CIT: variants seen among roughly 807,000 people sequenced by gnomAD.
The protein encoded by CIT is citron rho-interacting serine/threonine kinase, also known as citron Rho-interacting kinase.
A neutral mutation model predicts 272.7 loss-of-function variants in CIT; 79 were observed. That is an observed-to-expected ratio of 0.29 (90% CI 0.24 to 0.35). The LOEUF is 0.35. Among genes scored for constraint, CIT ranks in the 10% least tolerant of loss-of-function variants. The probability of loss-of-function intolerance (pLI) is 1.00; values close to 1 mark genes in which losing one functional copy is unlikely to be tolerated. For missense variants in CIT, 1,909 were observed against 2,618.3 expected (o/e 0.73, Z 5.91); for synonymous variants, 948 against 995.6 (o/e 0.95, Z 0.90).
At chr12:119,872,143 T>C (rs1386814368) in intron 2 of CIT, among the ~76,000 whole-genome samples, 1 of 152,214 alleles carries the variant, frequency 6.6e-6, no homozygotes, top group African/African-American at 2.4e-5. Flanking sequence ...TCTGAGATGA[T>C]GTTCTTCCTG....
In CIT at chr12:119,710,708, G is replaced by A; in HGVS notation, c.4855-88C>T. On this transcript the variant is annotated intron_variant, in intron 37 of 47. Transcript: ENST00000392521. The surrounding 1 kb of genome is among the most constrained non-coding windows in gnomAD (Gnocchi z 5.6). ...AACCATCCAGAGAAACCAAGAGAAG[G>A]TTAAGGCCAAGTTATTCCTGGAAAT... is the stretch of plus-strand genomic sequence containing the variant. 1.6e-6 allele frequency: 2 copies of A among 1,259,336 alleles called. No homozygotes were observed. The highest frequency in any genetic ancestry group is 1.2e-6 in the Non-Finnish European group (1 of 862,562). 78.0% of individuals were successfully genotyped at this position (1,259,336 alleles called of 1,614,324 possible). A position where few individuals can be genotyped will look rare whatever the true frequency, so the allele number is the denominator to read the frequency against.
At position 119,694,563 on chromosome 12, in the gene CIT, G is replaced by A. The variant is rs1035342050; in HGVS notation, c.5882+3096C>T. Among the ~76,000 whole-genome samples, 1 of 152,140 alleles carries A rather than the reference G, an allele frequency of 6.6e-6. No homozygotes were observed. The highest frequency in any genetic ancestry group is 1.5e-5 in the Non-Finnish European group (1 of 68,026). ...TCACACCTGTAATCCCAGCACTTTG[G>A]GGGGCCAGGGCAGGCAAATTGCTTG... On this transcript the variant is annotated intron_variant, in intron 46 of 47. Coordinates refer to ENST00000392521, the MANE Select transcript of CIT (RefSeq NM_001206999.2). The surrounding 1 kb of genome is among the most constrained non-coding windows in gnomAD (Gnocchi z 4.5).
chr12:119,751,281 T>C (rs1250104049), intron 23 of CIT, among the ~76,000 whole-genome samples: 1 of 152,118 alleles, frequency 6.6e-6, no homozygotes, highest in Non-Finnish European at 1.5e-5. Context: ...CATTTCCCCC[T>C]TCAAGTTAAG....
In CIT at chr12:119,752,377, G is replaced by A. The variant is rs1039280223; in HGVS notation, c.2707-130C>T. On this transcript the variant is annotated intron_variant, in intron 22 of 47. Transcript: ENST00000392521. ...TCTTGGAACCACCTTCTCGGCACTCGATAGAGGAGAGGAAAATGCAACAAA... is the reference window on the plus strand; with the variant it reads ...TCTTGGAACCACCTTCTCGGCACTCAATAGAGGAGAGGAAAATGCAACAAA... 6.3e-5 allele frequency: 50 copies of A among 790,766 alleles called. No individual in the cohort carries two copies. The highest frequency in any genetic ancestry group is 5.6e-4 in the South Asian group (29 of 51,982). 49.0% of individuals were successfully genotyped at this position (790,766 alleles called of 1,614,324 possible).
rs371471324 is a variant in CIT, at chr12:119,863,109, A to G, written c.239-5411T>C. Among the ~76,000 whole-genome samples the G allele has an allele frequency of 3.8e-4, 56 of 147,820 alleles. 1 individual carries two copies. In the East Asian group the frequency reaches 7.6e-3, roughly 20 times the overall value. Reference sequence around the variant, plus strand: ...CCCAGCTACTCAGGAGGCTAAGGCAAGAGAATCACTTGAACCCGGGAGGCA... The same window carrying G: ...CCCAGCTACTCAGGAGGCTAAGGCAGGAGAATCACTTGAACCCGGGAGGCA... On this transcript the variant is annotated intron_variant, in intron 3 of 47. Coordinates refer to ENST00000392521, the MANE Select transcript of CIT (RefSeq NM_001206999.2).
chr12:119,825,088 C>T, intron 8 of CIT, 77 bp downstream of exon 8: 2 of 1,327,950 alleles, frequency 1.5e-6, no homozygotes, highest in Non-Finnish European at 2.1e-6. Context: ...GCATGAGCCA[C>T]CACGCCCAGC....
intron 5 of CIT, among the ~76,000 whole-genome samples, chr12:119,835,430 T>C (rs1355492711): frequency 1.3e-5 from 2 of 152,192 alleles, no homozygotes; most frequent in African/African-American, 2.4e-5. Context: ...TGCATGATCC[T>C]TTCTGCTCTG....
At chr12:119,701,784 G>C (rs562984540) in intron 42 of CIT, 32 bp from the exon 43 acceptor site, 1 of 1,614,228 alleles carries the variant, frequency 6.2e-7, no homozygotes, top group Non-Finnish European at 8.5e-7. Context: ...GGGGCTTCAG[G>C]AGTGAGTTCT....
chr12:119,838,820 T>G (rs1297055677), intron 5 of CIT, among the ~76,000 whole-genome samples: 2 of 152,162 alleles, frequency 1.3e-5, no homozygotes, highest in African/African-American at 2.4e-5. Flanking sequence ...TTACAAGGAC[T>G]GGAGATGTCT....
chr12:119,837,740 C>G (rs868112081), intron 5 of CIT, among the ~76,000 whole-genome samples: 9 of 152,288 alleles, frequency 5.9e-5, no homozygotes, highest in African/African-American at 1.7e-4. Flanking sequence ...ACTTCCCAAG[C>G]CTGATTGTCC....
intron 7 of CIT, among the ~76,000 whole-genome samples, 176 bp from the exon 8 acceptor site, chr12:119,825,544 A>C (rs1968093846): frequency 6.6e-6 from 1 of 151,758 alleles, no homozygotes; most frequent in Non-Finnish European, 1.5e-5. Context: ...CTAATTTAAA[A>C]AAAAAAAAAA....
At chr12:119,755,348 T>C (rs574421665) in intron 22 of CIT, among the ~76,000 whole-genome samples, 1 of 152,350 alleles carries the variant, frequency 6.6e-6, no homozygotes, top group East Asian at 1.9e-4. Context: ...ACATTGTTAC[T>C]GTCCCTTGGA....
chr12:119,866,362 G>A (rs1184913150), intron 3 of CIT, among the ~76,000 whole-genome samples: 1 of 152,126 alleles, frequency 6.6e-6, no homozygotes, highest in Non-Finnish European at 1.5e-5. Context: ...CCCTAAGAAA[G>A]CCTGGCAGCT....
At chr12:119,826,437 T>C (rs1968166145) in intron 7 of CIT, among the ~76,000 whole-genome samples, 1 of 152,192 alleles carries the variant, frequency 6.6e-6, no homozygotes. Context: ...TTCTGACTTT[T>C]TTAGTGTTTA....
At chr12:119,717,399 A>G (rs1172465763) in intron 32 of CIT, among the ~76,000 whole-genome samples, 1 of 132,584 alleles carries the variant, frequency 7.5e-6, no homozygotes, top group African/African-American at 3.1e-5. Flanking sequence ...ATTTTTTCAT[A>G]TTCTTTTTTC....
chr12:119,842,388 CAAAAA>C (rs58634070), intron 5 of CIT, among the ~76,000 whole-genome samples: 7 of 71,536 alleles, frequency 9.8e-5, no homozygotes, highest in African/African-American at 1.0e-4. Flanking sequence ...GACTGCATCT[CAAAAA>C]AAAAAAAAAA....
At chr12:119,736,155 A>AT (rs1380179569) in intron 24 of CIT, among the ~76,000 whole-genome samples, 1 of 152,188 alleles carries the variant, frequency 6.6e-6, no homozygotes, top group East Asian at 1.9e-4. Flanking sequence ...GAGAGCTTTT[A>AT]TGTATAATAC....
chr12:119,706,089 CAAAA>C (rs776220898), intron 40 of CIT, among the ~76,000 whole-genome samples: 5 of 98,610 alleles, frequency 5.1e-5, no homozygotes, highest in Admixed American at 1.2e-4. Flanking sequence ...GACTCTGTGT[CAAAA>C]AAAAAAAAAA....
intron 27 of CIT, among the ~76,000 whole-genome samples, chr12:119,729,075 T>C (rs1377666985): frequency 6.6e-6 from 1 of 152,168 alleles, no homozygotes; most frequent in East Asian, 1.9e-4. Flanking sequence ...GGAAAGAAAT[T>C]CAACCCAATT....
Sources: allele counts gnomAD v4.1 joint callset (sites outside exome capture counted in the v4.1 genomes callset), GRCh38; gene constraint gnomAD v4.1.1; non-coding constraint Gnocchi (gnomAD v3.1); transcripts MANE v1.5; gene names NCBI Gene and HGNC (gene_info 2026-07-23, HGNC 2026-07-21).